Variants in ANKH observed in about 807,000 individuals in gnomAD.
ANKH encodes the protein ANKH inorganic pyrophosphate transport regulator, also known as mineralization regulator ANKH.
Under a neutral mutation model 49.0 loss-of-function variants are expected in ANKH, and 15 were observed. That is an observed-to-expected ratio of 0.31 (90% CI 0.20 to 0.47). ANKH has a LOEUF of 0.47. ANKH is among the 20% of genes least tolerant of loss of function. ANKH has a pLI of 1.00. For missense variants in ANKH, 429 were observed against 652.0 expected, an observed-to-expected ratio of 0.66 and a Z score of 3.72; for synonymous variants, 273 against 260.0, an observed-to-expected ratio of 1.05 and a Z score of -0.48.
In ANKH at chr5:14,705,834, G is replaced by T. The variant is rs990025092; in HGVS notation, c.*5363C>A. On this transcript the variant is annotated 3_prime_UTR_variant, in exon 12 of 12. Coordinates refer to ENST00000284268, the MANE Select transcript of ANKH (RefSeq NM_054027.6). Reference sequence around the variant, plus strand: ...AAGGGTGGTTTGAACTTAGCTTTCAGTAGCTGTTTCATTCAAACCGTGGGT... The same window carrying T: ...AAGGGTGGTTTGAACTTAGCTTTCATTAGCTGTTTCATTCAAACCGTGGGT... 3 of 152,414 alleles carry T rather than the reference G, an allele frequency of 2.0e-5. No homozygotes were observed. Among genetic ancestry groups the T allele is most frequent in the Admixed American group, 6.5e-5 (1 of 15,274 alleles). 9.4% of individuals were successfully genotyped at this position (152,414 alleles called of 1,614,324 possible).
At chr5:14,744,564 CGT>C (rs58357814) in intron 7 of ANKH, among the ~76,000 whole-genome samples, 1 of 151,914 alleles carries the variant, frequency 6.6e-6, no homozygotes, top group African/African-American at 2.4e-5. Context: ...TGGAGGTGGA[CGT>C]GTGTGTGTTT....
intron 1 of ANKH, among the ~76,000 whole-genome samples, chr5:14,807,843 G>T (rs1447053891): frequency 1.3e-5 from 2 of 152,196 alleles, no homozygotes; most frequent in Non-Finnish European, 2.9e-5. Context: ...GTTCCTTGGT[G>T]AGAGGTCGGG....
At chr5:14,809,354 A>AAAAAAAAAAAAAAAAG (rs1561065397) in intron 1 of ANKH, among the ~76,000 whole-genome samples, 5 of 130,300 alleles carry the variant, frequency 3.8e-5, no homozygotes, top group East Asian at 2.7e-4. Context: ...AAAAAAAAAA[A>AAAAAAAAAAAAAAAAG]AAAGAAAAAA....
chr5:14,790,109 T>C (rs1013927013), intron 1 of ANKH, among the ~76,000 whole-genome samples: 1 of 152,270 alleles, frequency 6.6e-6, no homozygotes, highest in Non-Finnish European at 1.5e-5. Flanking sequence ...ATATAGAATA[T>C]GATGCTTCTT....
intron 2 of ANKH, among the ~76,000 whole-genome samples, chr5:14,766,266 T>C (rs1739256246): frequency 6.6e-6 from 1 of 151,946 alleles, no homozygotes; most frequent in Non-Finnish European, 1.5e-5. Context: ...TGTGGTGGCA[T>C]GCATCTGTAG....
At chr5:14,838,447 GA>G (rs903440861) in intron 1 of ANKH, among the ~76,000 whole-genome samples, 2 of 149,844 alleles carry the variant, frequency 1.3e-5, no homozygotes, top group Admixed American at 6.6e-5. Flanking sequence ...ACAAGAAAAA[GA>G]AAAAAAAATC....
chr5:14,827,541 T>C (rs1157481103), intron 1 of ANKH, among the ~76,000 whole-genome samples: 1 of 152,204 alleles, frequency 6.6e-6, no homozygotes, highest in African/African-American at 2.4e-5. Context: ...AGGCTGTGGC[T>C]GTCAATAAGG....
At chr5:14,865,407 T>C (rs185699795) in intron 1 of ANKH, among the ~76,000 whole-genome samples, 2 of 152,186 alleles carry the variant, frequency 1.3e-5, no homozygotes, top group African/African-American at 4.8e-5. Flanking sequence ...TTAGCTGATA[T>C]TACTTCTATT....
At chr5:14,765,653 C>T (rs1206390184) in intron 2 of ANKH, among the ~76,000 whole-genome samples, 2 of 152,052 alleles carry the variant, frequency 1.3e-5, no homozygotes. Flanking sequence ...TCCTTAACTA[C>T]AGTAAATCTA....
intron 1 of ANKH, among the ~76,000 whole-genome samples, chr5:14,862,480 C>T (rs1370125322): frequency 6.6e-6 from 1 of 152,180 alleles, no homozygotes; most frequent in Non-Finnish European, 1.5e-5. Context: ...TGGGCTGATA[C>T]GGCTTGATAT....
At chr5:14,750,344 C>G (rs1738670766) in intron 5 of ANKH, among the ~76,000 whole-genome samples, 2 of 152,200 alleles carry the variant, frequency 1.3e-5, no homozygotes. Flanking sequence ...ATAAGGTTCT[C>G]TATCTCATTC....
chr5:14,843,175 CTTTTTTTTT>C (rs34837612), intron 1 of ANKH, among the ~76,000 whole-genome samples: 31 of 132,246 alleles, frequency 2.3e-4, no homozygotes, highest in Admixed American at 3.8e-4. Context: ...CCAGGGTTCT[CTTTTTTTTT>C]TTTTTTTTTT....
intron 8 of ANKH, among the ~76,000 whole-genome samples, chr5:14,734,777 G>C (rs1156816027): frequency 1.3e-5 from 2 of 152,190 alleles, no homozygotes; most frequent in Admixed American, 6.5e-5. Flanking sequence ...GCAGAACACG[G>C]GTGTGTATTG....
In ANKH at chr5:14,709,754, C is replaced by T. The variant is rs1737087807; in HGVS notation, c.*1443G>A. 6.6e-6 allele frequency: 1 copy of T among 152,526 alleles called. No homozygotes were observed. Among genetic ancestry groups the T allele is most frequent in the Non-Finnish European group, 1.5e-5 (1 of 68,034 alleles). The allele number at this position is 152,526 out of a possible 1,614,324, so 9.4% of individuals were successfully genotyped here. On this transcript the variant is annotated 3_prime_UTR_variant, in exon 12 of 12. Coordinates refer to ENST00000284268, the MANE Select transcript of ANKH (RefSeq NM_054027.6). The stretch of plus-strand genomic sequence containing the variant: ...TTATAAAACTGCTGCCAATAAGGTA[C>T]AATGTTCATTGATACAATACGTTTC...
chr5:14,723,133 TGTG>T (rs772652007), intron 8 of ANKH, among the ~76,000 whole-genome samples: 48 of 151,888 alleles, frequency 3.2e-4, no homozygotes, highest in Non-Finnish European at 5.4e-4. Flanking sequence ...CTAGACATAA[TGTG>T]GTGTCTTGGA....
At chr5:14,800,139 C>T (rs756658821) in intron 1 of ANKH, among the ~76,000 whole-genome samples, 1 of 152,176 alleles carries the variant, frequency 6.6e-6, no homozygotes, top group Non-Finnish European at 1.5e-5. Flanking sequence ...AGCAAGAGAA[C>T]TAGAGTTAGA....
chr5:14,749,689 AG>A (rs1561037358), intron 5 of ANKH, among the ~76,000 whole-genome samples: 1 of 152,278 alleles, frequency 6.6e-6, no homozygotes. Flanking sequence ...AAGCCACGTC[AG>A]GAAGAGGTAA....
intron 1 of ANKH, chr5:14,797,580 G>A: frequency 6.2e-7 from 1 of 1,610,312 alleles, no homozygotes; most frequent in Non-Finnish European, 8.5e-7. Context: ...GTTCACTTCA[G>A]CAGTGTGAGT....
intron 1 of ANKH, among the ~76,000 whole-genome samples, chr5:14,862,102 G>A (rs1310472457): frequency 1.3e-5 from 2 of 152,160 alleles, no homozygotes; most frequent in Non-Finnish European, 2.9e-5. Flanking sequence ...TGGGCATGGT[G>A]GCACATGCCT....
Sources: gnomAD v4.1 joint callset for allele counts (sites outside exome capture counted in the v4.1 genomes callset) on GRCh38, gnomAD v4.1.1 for gene constraint, MANE v1.5 for transcripts, NCBI Gene and HGNC (gene_info 2026-07-23, HGNC 2026-07-21) for gene names.